SLC22A12: variants seen among roughly 807,000 people sequenced by gnomAD.
SLC22A12 encodes solute carrier family 22 member 12.
In SLC22A12, 56 loss-of-function variants were observed where a neutral mutation model predicts 52.7. The observed-to-expected ratio is 1.06, with a 90% confidence interval of 0.86 to 1.33. The LOEUF (loss-of-function observed/expected upper bound fraction) is 1.33, where lower values mean the gene tolerates loss of function less well. SLC22A12 is among the 40% of genes most tolerant of loss of function. SLC22A12 has a pLI of 0.00. For synonymous variants in SLC22A12, 337 were observed against 324.6 expected, an observed-to-expected ratio of 1.04 and a Z score of -0.41; for missense variants, 683 against 741.5, an observed-to-expected ratio of 0.92 and a Z score of 0.92.
chr11:64,592,363 T>TG (rs1430551760), intron 1 of SLC22A12, among the ~76,000 whole-genome samples: 2 of 151,314 alleles, frequency 1.3e-5, no homozygotes, highest in East Asian at 3.9e-4. Context: ...GCCTCCCAGA[T>TG]GGGGCGCCAG....
Position 64,591,468 on chromosome 11 carries a change from G to C in SLC22A12, c.-89G>C. 6.4e-7 allele frequency: 1 copy of C among 1,565,782 alleles called. No individual in the cohort carries two copies. Among genetic ancestry groups the C allele is most frequent in the Non-Finnish European group, 8.7e-7 (1 of 1,153,054 alleles). On this transcript the variant is annotated 5_prime_UTR_variant, in exon 1 of 10. Coordinates refer to ENST00000377574, the MANE Select transcript of SLC22A12 (RefSeq NM_144585.4). ...GAGAAGCCACTGTGGGCACCACCGTGGGGGAAACAGGCCCGTTGCCCTGGC... is the reference window on the plus strand; with the variant it reads ...GAGAAGCCACTGTGGGCACCACCGTCGGGGAAACAGGCCCGTTGCCCTGGC...
intron 4 of SLC22A12, among the ~76,000 whole-genome samples, chr11:64,595,512 GGAAT>G (rs1277070493): frequency 1.2e-5 from 1 of 81,534 alleles, no homozygotes; most frequent in African/African-American, 3.3e-5. Flanking sequence ...ATGGATGGTT[GGAAT>G]GAATGGATGG....
chr11:64,594,990 G>A (rs2039066667), intron 4 of SLC22A12, among the ~76,000 whole-genome samples: 2 of 124,604 alleles, frequency 1.6e-5, no homozygotes, highest in Non-Finnish European at 3.5e-5. Flanking sequence ...TGGATGGGTG[G>A]ATGGATGGAT....
intron 4 of SLC22A12, among the ~76,000 whole-genome samples, chr11:64,595,125 A>ATGGATGGT: frequency 1.6e-5 from 2 of 128,332 alleles, no homozygotes; most frequent in Non-Finnish European, 3.3e-5. Context: ...GGATGGATGG[A>ATGGATGGT]TGGATGGATG....
At chr11:64,592,723 C>A in intron 1 of SLC22A12, 56 bp from the exon 2 acceptor site, 1 of 1,462,778 alleles carries the variant, frequency 6.8e-7, no homozygotes, top group Non-Finnish European at 9.6e-7. Context: ...GGTTCCTCTG[C>A]CTCTCTGCTG....
chr11:64,601,827 G>A lies in SLC22A12; in HGVS notation c.*276G>A. Reference sequence around the variant, plus strand: ...CCTGCCCTCGTGGCTTCGGAGAGCAGAGGGGTCAGGCCCAGGGGAACGAGC... The same window carrying A: ...CCTGCCCTCGTGGCTTCGGAGAGCAAAGGGGTCAGGCCCAGGGGAACGAGC... On this transcript the variant is annotated 3_prime_UTR_variant, in exon 10 of 10. Transcript: ENST00000377574. The A allele has an allele frequency of 2.2e-6, 1 of 451,158 alleles. No individual in the cohort carries two copies. The highest frequency in any genetic ancestry group is 4.6e-5 in the East Asian group (1 of 21,818). 27.9% of individuals were successfully genotyped at this position (451,158 alleles called of 1,614,324 possible).
Position 64,593,697 on chromosome 11 carries a change from A to G in SLC22A12, c.724A>G (p.Ser242Gly), listed in dbSNP as rs1293460789. The G allele has an allele frequency of 1.9e-6, 3 of 1,614,138 alleles. No homozygotes were observed. The highest frequency in any genetic ancestry group is 2.5e-6 in the Non-Finnish European group (3 of 1,180,034). Residue 242 changes from serine to glycine, a missense_variant, in exon 4 of 10, where the codon AGC becomes GGC. Physicochemically the swap from Ser to Gly is moderately conservative, Grantham distance 56. Coordinates refer to ENST00000377574, the MANE Select transcript of SLC22A12 (RefSeq NM_144585.4). ...GATGACCTTGAACTCTCTGGGCTTC[A>G]GCTTCGGCCATGGCCTGACAGCTGC... ...LVMTLNSLGF[S>G]FGHGLTAAVA...
Position 64,600,930 on chromosome 11 carries a change from G to A in SLC22A12, c.1590G>A (p.Val530=). ...CGCTGCCCGACACCATCCAAGATGT[G>A]CAGAACCAGTGAGTGGACCCAGCCT... is the stretch of plus-strand genomic sequence containing the variant. The part of the protein sequence containing the change: ...SLPLPDTIQD[V]QNQAVKKATH... The change falls in exon 9 of 10, where the codon GTG becomes GTA. Residue 530 remains valine (V), a synonymous_variant. Transcript: ENST00000377574. The A allele has an allele frequency of 6.2e-7, 1 of 1,608,278 alleles. No individual in the cohort carries two copies. The highest frequency in any genetic ancestry group is 2.2e-5 in the East Asian group (1 of 44,868).
At position 64,601,566 on chromosome 11, in the gene SLC22A12, T is replaced by C. The variant is rs1371814948; in HGVS notation, c.*15T>C. On this transcript the variant is annotated 3_prime_UTR_variant, in exon 10 of 10. Coordinates refer to ENST00000377574, the MANE Select transcript of SLC22A12 (RefSeq NM_144585.4). ...CACAGTTTTAGCCTCCTGGGGAACCTGCGATGGGACGGTCAGAGGAAGAGA... is the reference window on the plus strand; with the variant it reads ...CACAGTTTTAGCCTCCTGGGGAACCCGCGATGGGACGGTCAGAGGAAGAGA... 7 of 1,613,462 alleles carry C rather than the reference T, an allele frequency of 4.3e-6. No individual in the cohort carries two copies. Among genetic ancestry groups the C allele is most frequent in the South Asian group, 2.2e-5 (2 of 91,062 alleles).
At chr11:64,596,265 T>TGGATGGATGGATG (rs2039227252) in intron 4 of SLC22A12, among the ~76,000 whole-genome samples, 12 of 68,868 alleles carry the variant, frequency 1.7e-4, no homozygotes, top group South Asian at 1.0e-3. Context: ...GATGGATGGA[T>TGGATGGATGGATG]GGATGGATGG....
At position 64,601,657 on chromosome 11, in the gene SLC22A12, T is replaced by C; in HGVS notation, c.*106T>C. ...CCTCCATTTCCAGAGGCCCAGAGGC[T>C]GCCCTCTGAGGTCCCCACTCTCCCC... On this transcript the variant is annotated 3_prime_UTR_variant, in exon 10 of 10. Transcript: ENST00000377574. The C allele has an allele frequency of 2.3e-6, 3 of 1,320,172 alleles. No homozygotes were observed. Among genetic ancestry groups the C allele is most frequent in the Non-Finnish European group, 3.2e-6 (3 of 936,810 alleles). 81.8% of individuals were successfully genotyped at this position (1,320,172 alleles called of 1,614,324 possible). A position where few individuals can be genotyped will look rare whatever the true frequency, so the allele number is the denominator to read the frequency against.
Position 64,591,448 on chromosome 11 carries a change from G to A in SLC22A12, c.-109G>A, listed in dbSNP as rs1591385646. 6.9e-7 allele frequency: 1 copy of A among 1,445,194 alleles called. No individual in the cohort carries two copies. Among genetic ancestry groups the A allele is most frequent in the Non-Finnish European group, 9.5e-7 (1 of 1,055,992 alleles). 89.5% of individuals were successfully genotyped at this position (1,445,194 alleles called of 1,614,324 possible). A position where few individuals can be genotyped will look rare whatever the true frequency, so the allele number is the denominator to read the frequency against. ...GAAGCCTAGCCGCTGGGCTGGAGAA[G>A]CCACTGTGGGCACCACCGTGGGGGA... On this transcript the variant is annotated 5_prime_UTR_variant, in exon 1 of 10. Transcript: ENST00000377574.
At position 64,591,849 on chromosome 11, in the gene SLC22A12, T is replaced by C. The variant is rs1232711737; in HGVS notation, c.293T>C (p.Leu98Pro). The C allele has an allele frequency of 6.2e-7, 1 of 1,612,438 alleles. No homozygotes were observed. The highest frequency in any genetic ancestry group is 8.5e-7 in the Non-Finnish European group (1 of 1,180,006). ...CRRFRQPQWQ[L>P]LDPNATATSW... The stretch of plus-strand genomic sequence containing the variant: ...CGCTTCCGCCAGCCACAGTGGCAGC[T>C]CTTGGACCCCAATGCCACGGCCACC... The change falls in exon 1 of 10, where the codon CTC becomes CCC. Residue 98 changes from leucine (L) to proline (P), a missense_variant. Coordinates refer to ENST00000377574, the MANE Select transcript of SLC22A12 (RefSeq NM_144585.4).
chr11:64,594,339 G>A (rs1374960824), intron 4 of SLC22A12, among the ~76,000 whole-genome samples: 2 of 152,284 alleles, frequency 1.3e-5, no homozygotes, highest in Non-Finnish European at 2.9e-5. Context: ...AGTCCCCACA[G>A]AGGGCCGGCA....
rs765803601 is a variant in SLC22A12, at chr11:64,591,763, T to C, written c.207T>C (p.Pro69=). The C allele has an allele frequency of 2.0e-5, 32 of 1,613,004 alleles. No homozygotes were observed. The highest frequency in any genetic ancestry group is 2.7e-5 in the Non-Finnish European group (32 of 1,180,020). ...CCAGCATCCTAGGGAGCTTGAGTCC[T>C]GAGGCCCTCCTGGCTATTTCCATCC... The part of the protein sequence containing the change: ...AQASILGSLS[P]EALLAISIPP... Residue 69 remains proline, a synonymous_variant, in exon 1 of 10, where the codon CCT becomes CCC. Transcript: ENST00000377574.
chr11:64,598,698 G>A, intron 5 of SLC22A12, 59 bp downstream of exon 5: 1 of 1,599,112 alleles, frequency 6.3e-7, no homozygotes, highest in South Asian at 1.1e-5. Flanking sequence ...CCCTGCATAG[G>A]GCACCCTGGG....
chr11:64,597,179 G>A (rs533624404), intron 4 of SLC22A12, among the ~76,000 whole-genome samples: 5 of 152,086 alleles, frequency 3.3e-5, no homozygotes, highest in African/African-American at 4.8e-5. Context: ...CCTCTTCTCC[G>A]CCCAAACTGC....
At chr11:64,596,326 G>T (rs1283090464) in intron 4 of SLC22A12, among the ~76,000 whole-genome samples, 1 of 124,174 alleles carries the variant, frequency 8.1e-6, no homozygotes, top group Admixed American at 8.4e-5. Flanking sequence ...TTGAATGGAT[G>T]GATGGATGGA....
chr11:64,592,737 C>G lies in SLC22A12; in HGVS notation c.403-42C>G, dbSNP rs756607240. Reference sequence around the variant, plus strand: ...CGGTTCCTCTGCCTCTCTGCTGGGGCTCTCCCAACCTCCTGAGCTCAGCCT... The same window carrying G: ...CGGTTCCTCTGCCTCTCTGCTGGGGGTCTCCCAACCTCCTGAGCTCAGCCT... On this transcript the variant is annotated intron_variant, in intron 1 of 9. Coordinates refer to ENST00000377574, the MANE Select transcript of SLC22A12 (RefSeq NM_144585.4). 19 of 1,540,648 alleles carry G rather than the reference C, an allele frequency of 1.2e-5. No individual in the cohort carries two copies. In the Middle Eastern group the frequency reaches 2.5e-3, roughly 205 times the overall value.
Sources: allele counts gnomAD v4.1 joint callset (sites outside exome capture counted in the v4.1 genomes callset), GRCh38; gene constraint gnomAD v4.1.1; transcripts MANE v1.5; gene names NCBI Gene and HGNC (gene_info 2026-07-23, HGNC 2026-07-21).